FAM81A: variants seen among roughly 807,000 people sequenced by gnomAD.
FAM81A encodes the protein family with sequence similarity 81 member A.
Under a neutral mutation model 46.7 loss-of-function variants are expected in FAM81A, and 19 were observed. The ratio of observed to expected loss-of-function variants is 0.41; its 90% CI spans 0.28 to 0.60. FAM81A has a LOEUF of 0.60. Among genes scored for constraint, FAM81A ranks in the 20% least tolerant of loss-of-function variants. FAM81A has a pLI of 0.34. For missense variants in FAM81A, 377 were observed against 453.5 expected (o/e 0.83, Z 1.53); for synonymous variants, 183 against 152.9 (o/e 1.20, Z -1.45).
chr15:59,424,640 A>G (rs960554420), intron 2 of FAM81A, among the ~76,000 whole-genome samples: 1 of 152,198 alleles, frequency 6.6e-6, no homozygotes, highest in Non-Finnish European at 1.5e-5. Flanking sequence ...AAATGGCATC[A>G]TTATTTACCT....
At chr15:59,455,566 C>T (rs556176770) in intron 1 of FAM81A, among the ~76,000 whole-genome samples, 5 of 152,224 alleles carry the variant, frequency 3.3e-5, no homozygotes, top group Non-Finnish European at 7.3e-5. Context: ...GGCAAAGAAT[C>T]GTGATGCTAA....
At chr15:59,412,972 C>T (rs1459870222) in intron 2 of FAM81A, among the ~76,000 whole-genome samples, 1 of 152,154 alleles carries the variant, frequency 6.6e-6, no homozygotes, top group East Asian at 1.9e-4. Context: ...ACCAAACACA[C>T]GTACCCTGTG....
intron 2 of FAM81A, among the ~76,000 whole-genome samples, chr15:59,430,593 G>A (rs1305008206): frequency 6.6e-6 from 1 of 152,032 alleles, no homozygotes; most frequent in African/African-American, 2.4e-5. Flanking sequence ...ACCTAATTTG[G>A]TTCAGTCATG....
intron 4 of FAM81A, among the ~76,000 whole-genome samples, chr15:59,494,132 A>T (rs533915591): frequency 6.6e-6 from 1 of 152,344 alleles, no homozygotes; most frequent in South Asian, 2.1e-4. Flanking sequence ...CTCAACATTC[A>T]TCATCAATTT....
At chr15:59,520,326 G>A (rs190919922) in intron 8 of FAM81A, among the ~76,000 whole-genome samples, 2 of 152,156 alleles carry the variant, frequency 1.3e-5, no homozygotes, top group East Asian at 3.9e-4. Context: ...TTTGATAATA[G>A]CCATCCTAAC....
At chr15:59,506,891 A>G (rs1482143668) in intron 4 of FAM81A, among the ~76,000 whole-genome samples, 1 of 152,214 alleles carries the variant, frequency 6.6e-6, no homozygotes, top group Non-Finnish European at 1.5e-5. Context: ...GTGGTACTGA[A>G]GAGTGACAGA....
intron 8 of FAM81A, among the ~76,000 whole-genome samples, chr15:59,520,574 T>A (rs2141855202): frequency 6.6e-6 from 1 of 151,240 alleles, no homozygotes; most frequent in East Asian, 1.9e-4. Flanking sequence ...TTTTTTTTTT[T>A]TTTTTTTTGA....
chr15:59,447,842 A>G (rs1441881249), intron 1 of FAM81A, among the ~76,000 whole-genome samples: 8 of 152,214 alleles, frequency 5.3e-5, no homozygotes, highest in Admixed American at 5.2e-4. Flanking sequence ...CCATGGAGGC[A>G]TCTAGGCATG....
At chr15:59,450,829 G>T (rs1344238654) in intron 1 of FAM81A, among the ~76,000 whole-genome samples, 2 of 152,190 alleles carry the variant, frequency 1.3e-5, no homozygotes, top group Non-Finnish European at 2.9e-5. Context: ...TCTATTTCCA[G>T]TGAACAGAAT....
intron 1 of FAM81A, among the ~76,000 whole-genome samples, chr15:59,439,217 A>G (rs1382060573): frequency 1.3e-5 from 2 of 152,146 alleles, no homozygotes; most frequent in African/African-American, 4.8e-5. Context: ...AAATAATGCT[A>G]GAATGATTCG....
intron 3 of FAM81A, among the ~76,000 whole-genome samples, chr15:59,489,233 C>A (rs565533394): frequency 3.9e-5 from 6 of 152,002 alleles, no homozygotes; most frequent in Admixed American, 3.9e-4. Flanking sequence ...CCACTGCACT[C>A]TAGCCGGGAC....
chr15:59,496,014 A>C (rs1326304210), intron 4 of FAM81A, among the ~76,000 whole-genome samples: 1 of 152,142 alleles, frequency 6.6e-6, no homozygotes, highest in Non-Finnish European at 1.5e-5. Flanking sequence ...AAAAATTTTT[A>C]ATCTTGCTTA....
chr15:59,521,430 C>T lies in FAM81A; in HGVS notation c.*52C>T. 6.5e-7 allele frequency: 1 copy of T among 1,542,746 alleles called. No homozygotes were observed. Among genetic ancestry groups the T allele is most frequent in the Non-Finnish European group, 8.8e-7 (1 of 1,142,526 alleles). On this transcript the variant is annotated 3_prime_UTR_variant, in exon 9 of 9. Transcript: ENST00000288228. ...ACAGTTTTGCCAGTGGGGCTAGGAG[C>T]CGGATACCTCTGTAGCCAGGCCATC...
chr15:59,461,421 G>T (rs926480138), intron 3 of FAM81A, among the ~76,000 whole-genome samples: 1 of 152,130 alleles, frequency 6.6e-6, no homozygotes, highest in Admixed American at 6.5e-5. Flanking sequence ...AAGTAGCTGG[G>T]ACTACAGGTG....
chr15:59,516,905 T>C lies in FAM81A; in HGVS notation c.982+65T>C, dbSNP rs1321338396. 4.2e-6 allele frequency: 6 copies of C among 1,415,964 alleles called. No homozygotes were observed. In the Admixed American group the frequency reaches 1.7e-4, roughly 40 times the overall value. 87.7% of individuals were successfully genotyped at this position (1,415,964 alleles called of 1,614,324 possible). A position where few individuals can be genotyped will look rare whatever the true frequency, so the allele number is the denominator to read the frequency against. ...GTTTGTTCTAAAACCTATTAATTAG[T>C]ATCCCCTGCAACTACCTATGAACCT... On this transcript the variant is annotated intron_variant, in intron 8 of 8. Transcript: ENST00000288228.
At chr15:59,480,792 T>C (rs1328118198) in intron 3 of FAM81A, among the ~76,000 whole-genome samples, 1 of 152,190 alleles carries the variant, frequency 6.6e-6, no homozygotes, top group East Asian at 1.9e-4. Flanking sequence ...ATCATGATGA[T>C]ATATTGTTCC....
At chr15:59,447,292 A>G (rs1197328067) in intron 1 of FAM81A, among the ~76,000 whole-genome samples, 1 of 152,200 alleles carries the variant, frequency 6.6e-6, no homozygotes, top group Non-Finnish European at 1.5e-5. Flanking sequence ...AAGGACAGAT[A>G]TTTTGGTGTA....
In FAM81A at chr15:59,421,729, G is replaced by GTCTGTCTATCTA. The variant is rs199854304; in HGVS notation, c.-78+19374_-78+19375insGTCTATCTATCT. 7.1e-4 allele frequency among the ~76,000 whole-genome samples: 92 copies of GTCTGTCTATCTA among 128,970 alleles called. 2 individuals carry two copies. Among genetic ancestry groups the GTCTGTCTATCTA allele is most frequent in the East Asian group, 3.4e-3 (16 of 4,644 alleles). The allele number at this position is 128,970 out of a possible 152,430, so 84.6% of individuals were successfully genotyped here. The stretch of plus-strand genomic sequence containing the variant: ...AAACTATCTATCTGTCTGTCTGTCT[G>GTCTGTCTATCTA]TCTATCTATCTATCTGTCTATCTAT... On this transcript the variant is annotated intron_variant, in intron 2 of 4. Coordinates refer to the FAM81A transcript ENST00000558348.
intron 1 of FAM81A, among the ~76,000 whole-genome samples, chr15:59,441,743 C>G (rs1185539343): frequency 6.6e-6 from 1 of 152,238 alleles, no homozygotes; most frequent in Non-Finnish European, 1.5e-5. Flanking sequence ...GTCTCCATGA[C>G]ACTGGTTGTC....
Sources: allele counts gnomAD v4.1 joint callset (sites outside exome capture counted in the v4.1 genomes callset), GRCh38; gene constraint gnomAD v4.1.1; transcripts MANE v1.5; gene names NCBI Gene and HGNC (gene_info 2026-07-23, HGNC 2026-07-21).